Variants in CSMD3 observed in about 807,000 individuals in gnomAD.
CSMD3 encodes the protein CUB and sushi domain-containing protein 3.
A neutral mutation model predicts 435.2 loss-of-function variants in CSMD3; 177 were observed. That is an observed-to-expected ratio of 0.41 (90% CI 0.36 to 0.46). The LOEUF is 0.46. Among genes scored for constraint, CSMD3 ranks in the 20% least tolerant of loss-of-function variants. The probability of loss-of-function intolerance (pLI) is 0.34; values close to 1 mark genes in which losing one functional copy is unlikely to be tolerated. For synonymous variants in CSMD3, 1,656 were observed against 1,520.5 expected, an observed-to-expected ratio of 1.09 and a Z score of -2.07; for missense variants, 4,265 against 4,504.6, an observed-to-expected ratio of 0.95 and a Z score of 1.52.
chr8:113,245,959 A>AT (rs2093271979), intron 3 of CSMD3, among the ~76,000 whole-genome samples: 1 of 152,090 alleles, frequency 6.6e-6, no homozygotes, highest in South Asian at 2.1e-4. Flanking sequence ...TTTAACCTCC[A>AT]TAAGAAACCT....
rs577425903 is a variant in CSMD3 at position 112,314,771 on chromosome 8, T to C, written c.7361-154A>G. On this transcript the variant is annotated intron_variant, in intron 47 of 70. Coordinates refer to ENST00000297405, the MANE Select transcript of CSMD3 (RefSeq NM_198123.2). ...GAAGAGACAAGTTGTATTAAACTTA[T>C]GATTCAAAAGCTGGAGGAATGACCT... is the stretch of plus-strand genomic sequence containing the variant. Among the ~76,000 whole-genome samples the C allele has an allele frequency of 3.3e-5, 5 of 152,168 alleles. 1 individual carries two copies. The highest frequency in any genetic ancestry group is 2.0e-4 in the Admixed American group (3 of 15,272).
At chr8:112,364,139 T>TA (rs1827527150) in intron 38 of CSMD3, among the ~76,000 whole-genome samples, 1 of 152,002 alleles carries the variant, frequency 6.6e-6, no homozygotes, top group South Asian at 2.1e-4. Context: ...TAATAACAGT[T>TA]ATGCTGAATT....
At chr8:112,625,143 A>C (rs1187278398) in intron 22 of CSMD3, among the ~76,000 whole-genome samples, 1 of 152,024 alleles carries the variant, frequency 6.6e-6, no homozygotes, top group Non-Finnish European at 1.5e-5. Context: ...TTCCAAAGTC[A>C]TAGGAAATTT....
At chr8:112,550,914 A>G in intron 26 of CSMD3, 41 bp from the exon 27 acceptor site, 1 of 1,447,480 alleles carries the variant, frequency 6.9e-7, no homozygotes, top group Non-Finnish European at 9.7e-7. Context: ...TTAAACAAGG[A>G]TTCAACTTTA....
At chr8:112,721,222 C>T (rs2076850356) in intron 13 of CSMD3, among the ~76,000 whole-genome samples, 1 of 152,092 alleles carries the variant, frequency 6.6e-6, no homozygotes, top group African/African-American at 2.4e-5. Flanking sequence ...TTGGAAAAAT[C>T]ACCATGAAAA....
At chr8:113,129,835 T>C (rs958825977) in intron 4 of CSMD3, among the ~76,000 whole-genome samples, 14 of 152,172 alleles carry the variant, frequency 9.2e-5, no homozygotes, top group South Asian at 4.1e-4. Flanking sequence ...TAATGAAACC[T>C]GGAATCTGGT....
At chr8:112,482,131 C>T (rs917809105) in intron 31 of CSMD3, among the ~76,000 whole-genome samples, 1 of 152,134 alleles carries the variant, frequency 6.6e-6, no homozygotes, top group African/African-American at 2.4e-5. Flanking sequence ...TGGATTCATT[C>T]ATTAGATTTC....
intron 13 of CSMD3, among the ~76,000 whole-genome samples, chr8:112,746,131 T>C (rs1451454694): frequency 6.6e-6 from 1 of 152,174 alleles, no homozygotes; most frequent in African/African-American, 2.4e-5. Flanking sequence ...TCCAATTAGA[T>C]GTAGCCTCCA....
intron 4 of CSMD3, among the ~76,000 whole-genome samples, chr8:113,099,417 T>C (rs1303841900): frequency 6.6e-6 from 1 of 152,044 alleles, no homozygotes; most frequent in Non-Finnish European, 1.5e-5. Context: ...TAAGAGACAA[T>C]ATAATATAGT....
chr8:112,448,021 G>T (rs1386514536), intron 32 of CSMD3, among the ~76,000 whole-genome samples: 1 of 152,148 alleles, frequency 6.6e-6, no homozygotes, highest in Non-Finnish European at 1.5e-5. Context: ...AGACCAGGCT[G>T]TGTATTAGTT....
At chr8:112,406,759 T>A (rs1335589836) in intron 34 of CSMD3, 32 bp from the exon 35 acceptor site, 1 of 1,347,560 alleles carries the variant, frequency 7.4e-7, no homozygotes, top group South Asian at 1.4e-5. Flanking sequence ...ATTTTAATTT[T>A]ATATGGTAGA....
intron 3 of CSMD3, among the ~76,000 whole-genome samples, chr8:113,229,121 CA>C (rs1261764210): frequency 1.3e-5 from 2 of 151,534 alleles, no homozygotes; most frequent in African/African-American, 2.4e-5. Flanking sequence ...TACAATTTGA[CA>C]GACATATCAA....
chr8:113,062,429 G>T (rs1325699874), intron 5 of CSMD3, among the ~76,000 whole-genome samples: 6 of 151,840 alleles, frequency 4.0e-5, no homozygotes, highest in African/African-American at 1.2e-4. Flanking sequence ...GAAATGAAAC[G>T]TATTTGTTAG....
chr8:112,273,041 C>G lies in CSMD3; in HGVS notation c.9509-7451G>C, dbSNP rs1220029897. Among the ~76,000 whole-genome samples, 5 of 152,248 alleles carry G rather than the reference C, an allele frequency of 3.3e-5. No homozygotes were observed. In the East Asian group the frequency reaches 9.7e-4, roughly 29 times the overall value. ...ACGATATTTCTCTTTGAAGAACTGA[C>G]AGAAACAAACTTTCCTTATACTTTT... On this transcript the variant is annotated intron_variant, in intron 59 of 70. Coordinates refer to ENST00000297405, the MANE Select transcript of CSMD3 (RefSeq NM_198123.2).
intron 6 of CSMD3, among the ~76,000 whole-genome samples, chr8:112,976,552 C>T (rs1439532153): frequency 6.6e-6 from 1 of 151,956 alleles, no homozygotes; most frequent in East Asian, 1.9e-4. Context: ...GAATAGTCTG[C>T]CATATCTCTT....
At chr8:112,568,277 T>C (rs911121879) in intron 24 of CSMD3, among the ~76,000 whole-genome samples, 5 of 152,092 alleles carry the variant, frequency 3.3e-5, no homozygotes, top group African/African-American at 1.2e-4. Context: ...AGATGAAGAC[T>C]GAACAGATTT....
intron 24 of CSMD3, 51 bp from the exon 25 acceptor site, chr8:112,557,005 A>G (rs746942210): frequency 9.6e-7 from 1 of 1,046,158 alleles, no homozygotes; most frequent in South Asian, 1.3e-5. Flanking sequence ...AGGAGGATTT[A>G]AATCTATACA....
intron 13 of CSMD3, among the ~76,000 whole-genome samples, chr8:112,742,979 T>C (rs1418097704): frequency 6.6e-6 from 1 of 152,018 alleles, no homozygotes; most frequent in Non-Finnish European, 1.5e-5. Flanking sequence ...AAATTCTTAG[T>C]AATTTTAAAT....
At chr8:112,342,752 AT>A (rs1408096107) in intron 41 of CSMD3, among the ~76,000 whole-genome samples, 1 of 151,896 alleles carries the variant, frequency 6.6e-6, no homozygotes, top group Non-Finnish European at 1.5e-5. Context: ...CCTTGGACAA[AT>A]AAGCTTTGGA....
Sources: allele counts gnomAD v4.1 joint callset (sites outside exome capture counted in the v4.1 genomes callset), GRCh38; gene constraint gnomAD v4.1.1; transcripts MANE v1.5; gene names NCBI Gene and HGNC (gene_info 2026-07-23, HGNC 2026-07-21).